ZNG1C: variants seen among roughly 807,000 people sequenced by gnomAD.
ZNG1C encodes the protein zinc-regulated GTPase metalloprotein activator 1C.
the ZNG1C span, among the ~76,000 whole-genome samples, chr9:68,275,201 T>C: frequency 1.1e-5 from 1 of 87,306 alleles, no homozygotes; most frequent in African/African-American, 3.2e-5. Context: ...CCAAACACTA[T>C]GTCTAATACT....
At chr9:68,275,738 G>C in the ZNG1C span, among the ~76,000 whole-genome samples, 32,655 of 124,942 alleles carry the variant, frequency 0.26, 2,689 homozygotes, top group Middle Eastern at 0.35. Context: ...TTGGACATTT[G>C]GGTTGGTTCC....
At chr9:68,275,397 C>T in the ZNG1C span, among the ~76,000 whole-genome samples, 1 of 149,490 alleles carries the variant, frequency 6.7e-6, no homozygotes, top group Non-Finnish European at 1.5e-5. Context: ...CATATGTATA[C>T]ATGTGCCATG....
At chr9:68,287,312 TAA>T in the ZNG1C span, among the ~76,000 whole-genome samples, 4 of 151,776 alleles carry the variant, frequency 2.6e-5, no homozygotes, top group African/African-American at 9.7e-5. Flanking sequence ...GGAGCTTTTT[TAA>T]AAAAAATTCG....
At chr9:68,280,671 CT>C in the ZNG1C span, among the ~76,000 whole-genome samples, 1 of 53,728 alleles carries the variant, frequency 1.9e-5, no homozygotes, top group East Asian at 3.2e-4. Flanking sequence ...CAGGGACCCA[CT>C]TGAGGAGGCA....
At chr9:68,286,523 G>T in the ZNG1C span, among the ~76,000 whole-genome samples, 15 of 117,964 alleles carry the variant, frequency 1.3e-4, no homozygotes, top group Admixed American at 2.6e-4. Context: ...AATCCCTAAG[G>T]TAAATATCTA....
chr9:68,287,627 A>G, the ZNG1C span, among the ~76,000 whole-genome samples: 4 of 152,310 alleles, frequency 2.6e-5, no homozygotes, highest in South Asian at 2.1e-4. Context: ...GTATGTACCT[A>G]TTGCCCTTGG....
chr9:68,288,500 G>A, the ZNG1C span, among the ~76,000 whole-genome samples: 8 of 151,688 alleles, frequency 5.3e-5, no homozygotes, highest in African/African-American at 1.7e-4. Flanking sequence ...GTCTCGCTCC[G>A]GCTGGAGTCT....
the ZNG1C span, chr9:68,259,524 T>C: frequency 1.4e-6 from 1 of 709,138 alleles, no homozygotes; most frequent in South Asian, 1.7e-5. Flanking sequence ...TTTTTTTTTT[T>C]TTTTTGAGAC....
chr9:68,276,543 A>T, the ZNG1C span, among the ~76,000 whole-genome samples: 1 of 149,502 alleles, frequency 6.7e-6, no homozygotes, highest in Admixed American at 6.7e-5. Flanking sequence ...TTTTCCCAGC[A>T]CCATTTATTA....
chr9:68,244,532 A>G, the ZNG1C span, among the ~76,000 whole-genome samples: 22 of 127,170 alleles, frequency 1.7e-4, 1 homozygote, highest in Non-Finnish European at 2.7e-4. Flanking sequence ...GCCTACATGT[A>G]AAAGTTTTTA....
At chr9:68,276,574 C>T in the ZNG1C span, among the ~76,000 whole-genome samples, 5 of 149,794 alleles carry the variant, frequency 3.3e-5, no homozygotes, top group Admixed American at 2.7e-4. Context: ...CCTTTCCCCA[C>T]TGCTTGTTTT....
chr9:68,266,480 A>G, the ZNG1C span, among the ~76,000 whole-genome samples: 2 of 147,294 alleles, frequency 1.4e-5, no homozygotes, highest in African/African-American at 5.2e-5. Context: ...GGTAATACAT[A>G]AAATTAGTCC....
At chr9:68,257,215 T>C in the ZNG1C span, among the ~76,000 whole-genome samples, 1 of 136,312 alleles carries the variant, frequency 7.3e-6, no homozygotes, top group Non-Finnish European at 1.6e-5. Context: ...TTTTTGGATT[T>C]TTAGTAGAGA....
chr9:68,275,431 C>G, the ZNG1C span, among the ~76,000 whole-genome samples: 1 of 149,048 alleles, frequency 6.7e-6, no homozygotes, highest in South Asian at 2.2e-4. Flanking sequence ...CCCACTAACT[C>G]GTCATCTAGC....
At chr9:68,264,851 A>ATATG in the ZNG1C span, among the ~76,000 whole-genome samples, 1 of 84,442 alleles carries the variant, frequency 1.2e-5, no homozygotes, top group African/African-American at 4.5e-5. Context: ...ATATATATAT[A>ATATG]TATATGTATA....
chr9:68,271,885 G>A, the ZNG1C span, among the ~76,000 whole-genome samples: 1 of 151,204 alleles, frequency 6.6e-6, no homozygotes, highest in African/African-American at 2.4e-5. Flanking sequence ...GGAAGGAGGA[G>A]CAACAGGTCG....
the ZNG1C span, among the ~76,000 whole-genome samples, chr9:68,290,254 T>G: frequency 6.8e-6 from 1 of 146,812 alleles, no homozygotes; most frequent in Non-Finnish European, 1.5e-5. Context: ...ATATTTAACC[T>G]GTTAAAAGCA....
the ZNG1C span, among the ~76,000 whole-genome samples, chr9:68,288,432 C>A: frequency 6.6e-6 from 1 of 152,230 alleles, no homozygotes; most frequent in Non-Finnish European, 1.5e-5. Context: ...TTTTAGTGTA[C>A]AATTCAATGT....
chr9:68,249,235 G>T, the ZNG1C span, among the ~76,000 whole-genome samples: 4,718 of 151,194 alleles, frequency 0.031, 120 homozygotes, highest in Non-Finnish European at 0.049. Flanking sequence ...GGCATCCATG[G>T]CGTATTAGTT....
Sources: gnomAD v4.1 joint callset for allele counts (sites outside exome capture counted in the v4.1 genomes callset) on GRCh38, gnomAD v4.1.1 for gene constraint, MANE v1.5 for transcripts, NCBI Gene and HGNC (gene_info 2026-07-23, HGNC 2026-07-21) for gene names.